Variants in FAM107B observed in about 807,000 individuals in gnomAD.
The protein encoded by FAM107B is family with sequence similarity 107 member B.
A neutral mutation model predicts 31.5 loss-of-function variants in FAM107B; 21 were observed. The ratio of observed to expected loss-of-function variants is 0.67; its 90% CI spans 0.47 to 0.96. The LOEUF (loss-of-function observed/expected upper bound fraction) is 0.96. Among genes scored for constraint, FAM107B ranks in the 40% least tolerant of loss-of-function variants. The pLI, the probability that FAM107B is intolerant of heterozygous loss-of-function variation, is 0.00. For synonymous variants in FAM107B, 157 were observed against 141.5 expected (o/e 1.11, Z -0.78); for missense variants, 452 against 377.1 (o/e 1.20, Z -1.64).
At chr10:14,525,006 T>C (rs1846071708) in intron 3 of FAM107B, among the ~76,000 whole-genome samples, 1 of 152,238 alleles carries the variant, frequency 6.6e-6, no homozygotes, top group Non-Finnish European at 1.5e-5. Flanking sequence ...ATGGTGCTTA[T>C]ATGATAAATA....
At chr10:14,596,647 C>T (rs141081315) in intron 2 of FAM107B, among the ~76,000 whole-genome samples, 228 of 152,308 alleles carry the variant, frequency 1.5e-3, no homozygotes, top group Middle Eastern at 6.8e-3. Flanking sequence ...AACTCTACGT[C>T]TGATGTCTAT....
At chr10:14,678,767 C>T (rs1854753136) in intron 1 of FAM107B, among the ~76,000 whole-genome samples, 1 of 152,158 alleles carries the variant, frequency 6.6e-6, no homozygotes, top group Non-Finnish European at 1.5e-5. Context: ...GAGAAGGTGA[C>T]AGAAATCACA....
chr10:14,738,806 T>C (rs933486402), intron 1 of FAM107B, among the ~76,000 whole-genome samples: 1 of 152,202 alleles, frequency 6.6e-6, no homozygotes, highest in African/African-American at 2.4e-5. Context: ...ATTGATTATA[T>C]TGTAACACTA....
At chr10:14,767,939 A>C (rs1384991620) in intron 1 of FAM107B, among the ~76,000 whole-genome samples, 1 of 152,218 alleles carries the variant, frequency 6.6e-6, no homozygotes, top group Non-Finnish European at 1.5e-5. Context: ...AGAACTAATA[A>C]ATAAATTCAG....
At chr10:14,635,513 G>A (rs915763004) in intron 2 of FAM107B, among the ~76,000 whole-genome samples, 2 of 152,142 alleles carry the variant, frequency 1.3e-5, no homozygotes, top group Non-Finnish European at 2.9e-5. Context: ...TGCACTGTAA[G>A]AGACAGCCCC....
At chr10:14,687,206 A>T (rs543557944) in intron 1 of FAM107B, among the ~76,000 whole-genome samples, 2 of 152,230 alleles carry the variant, frequency 1.3e-5, no homozygotes, top group Admixed American at 1.3e-4. Context: ...CAGGAGACAC[A>T]TGTTCCCGTA....
chr10:14,662,632 C>T (rs1854276375), intron 2 of FAM107B, among the ~76,000 whole-genome samples: 2 of 152,110 alleles, frequency 1.3e-5, no homozygotes, highest in Admixed American at 6.5e-5. Context: ...TGTTTAAAAT[C>T]CCTTTCATAA....
chr10:14,654,956 C>T (rs1854005170), intron 2 of FAM107B, among the ~76,000 whole-genome samples: 1 of 152,134 alleles, frequency 6.6e-6, no homozygotes, highest in Non-Finnish European at 1.5e-5. Flanking sequence ...GTTCATTCTG[C>T]ATTGCTATAA....
chr10:14,744,760 G>T (rs950513700), intron 1 of FAM107B, among the ~76,000 whole-genome samples: 7 of 152,142 alleles, frequency 4.6e-5, no homozygotes, highest in African/African-American at 1.7e-4. Context: ...GTATTTTATT[G>T]AGAAGTTTTA....
chr10:14,682,359 C>T (rs973264206), intron 1 of FAM107B, among the ~76,000 whole-genome samples: 3 of 151,966 alleles, frequency 2.0e-5, no homozygotes, highest in African/African-American at 4.8e-5. Flanking sequence ...TGAAACCTCG[C>T]CTCTACTAAA....
chr10:14,594,518 CA>C (rs56995042), intron 2 of FAM107B, among the ~76,000 whole-genome samples: 35,812 of 132,844 alleles, frequency 0.27, 4,818 homozygotes, highest in East Asian at 0.53. Context: ...AAAAAAAAAA[CA>C]AAAAAAAACA....
intron 2 of FAM107B, among the ~76,000 whole-genome samples, chr10:14,628,681 T>C (rs1657417081): frequency 6.6e-6 from 1 of 152,182 alleles, no homozygotes; most frequent in Non-Finnish European, 1.5e-5. Flanking sequence ...ATTATTTGTG[T>C]GTTAATATAG....
At chr10:14,665,297 G>A (rs1335111737) in intron 2 of FAM107B, among the ~76,000 whole-genome samples, 3 of 152,096 alleles carry the variant, frequency 2.0e-5, no homozygotes, top group Non-Finnish European at 2.9e-5. Flanking sequence ...TGAATCTCTA[G>A]TAACACATAC....
intron 1 of FAM107B, among the ~76,000 whole-genome samples, chr10:14,693,469 C>A (rs542300867): frequency 7.4e-6 from 1 of 134,242 alleles, no homozygotes; most frequent in African/African-American, 2.8e-5. Context: ...CAGAGTGACA[C>A]CGTCTCAAAA....
intron 1 of FAM107B, among the ~76,000 whole-genome samples, chr10:14,680,182 T>C (rs531958730): frequency 1.1e-4 from 17 of 152,294 alleles, no homozygotes; most frequent in African/African-American, 3.4e-4. Flanking sequence ...TCTTACATTC[T>C]TGAGTTCCCA....
At chr10:14,772,911 G>A (rs1833340342) in intron 1 of FAM107B, among the ~76,000 whole-genome samples, 1 of 152,130 alleles carries the variant, frequency 6.6e-6, no homozygotes, top group Admixed American at 6.5e-5. Context: ...TATAAGGTGG[G>A]TCTGCATTGC....
At chr10:14,638,494 T>C (rs1853556571) in intron 2 of FAM107B, among the ~76,000 whole-genome samples, 1 of 152,248 alleles carries the variant, frequency 6.6e-6, no homozygotes, top group Non-Finnish European at 1.5e-5. Flanking sequence ...TTATCTCAAA[T>C]GCTAACTTTT....
intron 1 of FAM107B, among the ~76,000 whole-genome samples, chr10:14,709,316 C>G (rs750602597): frequency 1.8e-4 from 28 of 152,154 alleles, no homozygotes; most frequent in Admixed American, 5.9e-4. Context: ...AAGACATACT[C>G]GAGACTGGGC....
intron 1 of FAM107B, among the ~76,000 whole-genome samples, chr10:14,772,362 A>AAAAAAAATATATAT (rs10651238): frequency 3.4e-3 from 496 of 145,576 alleles, no homozygotes; most frequent in African/African-American, 0.01. Context: ...TTAAAAAAAA[A>AAAAAAAATATATAT]ATATATATAT....
Sources: allele counts gnomAD v4.1 joint callset (sites outside exome capture counted in the v4.1 genomes callset), GRCh38; gene constraint gnomAD v4.1.1; transcripts MANE v1.5; gene names NCBI Gene and HGNC (gene_info 2026-07-23, HGNC 2026-07-21).